Variants in CASQ1 observed in about 807,000 individuals in gnomAD.
CASQ1 encodes the protein calsequestrin-1.
Under a neutral mutation model 49.5 loss-of-function variants are expected in CASQ1, and 40 were observed. That is an observed-to-expected ratio of 0.81 (90% CI 0.63 to 1.05). The LOEUF (loss-of-function observed/expected upper bound fraction) is 1.05, where lower values mean the gene tolerates loss of function less well. Among genes scored for constraint, CASQ1 ranks in the 50% least tolerant of loss-of-function variants. The pLI is 0.00. For missense variants in CASQ1, 469 were observed against 486.9 expected (o/e 0.96, Z 0.35); for synonymous variants, 174 against 187.2 (o/e 0.93, Z 0.58).
At chr1:160,193,603 G>T in intron 2 of CASQ1, 144 bp from the exon 3 acceptor site, 1 of 574,910 alleles carries the variant, frequency 1.7e-6, no homozygotes. Flanking sequence ...GAGGAGGTGG[G>T]TGGGGCAACG....
At chr1:160,198,596 G>A in intron 7 of CASQ1, 81 bp from the exon 8 acceptor site, 2 of 964,464 alleles carry the variant, frequency 2.1e-6, no homozygotes, top group African/African-American at 1.6e-5. Flanking sequence ...GAACATCTAG[G>A]ATCTGTTCTG....
At chr1:160,195,655 C>G (rs1049065770) in intron 5 of CASQ1, 121 bp downstream of exon 5, 54 of 853,024 alleles carry the variant, frequency 6.3e-5, no homozygotes, top group Non-Finnish European at 9.4e-5. Context: ...CCTACCTGCC[C>G]CCCCCCCCGG....
At chr1:160,195,560 T>C (rs1192068805) in intron 5 of CASQ1, 26 bp downstream of exon 5, 1 of 1,603,394 alleles carries the variant, frequency 6.2e-7, no homozygotes, top group Non-Finnish European at 8.5e-7. Flanking sequence ...GCTGTATTGG[T>C]TCTGCCTCAT....
chr1:160,199,880 C>T lies in CASQ1; in HGVS notation c.1014C>T (p.Asp338=). Residue 338 remains aspartate, a synonymous_variant, in exon 10 of 11, where the codon GAC becomes GAT. Coordinates refer to ENST00000368078, the MANE Select transcript of CASQ1 (RefSeq NM_001231.5). ...TCCCATACTGGGAGAAGACGTTTGA[C>T]ATCGACTTGTCAGCCCCACAAATAG... ...LLVPYWEKTF[D]IDLSAPQIGV... 1 of 1,613,468 alleles carries T rather than the reference C, an allele frequency of 6.2e-7. No homozygotes were observed.
At chr1:160,195,654 C>A (rs565793706) in intron 5 of CASQ1, 120 bp downstream of exon 5, 35 of 845,692 alleles carry the variant, frequency 4.1e-5, no homozygotes, top group East Asian at 5.4e-5. Flanking sequence ...CCCTACCTGC[C>A]CCCCCCCCCG....
intron 6 of CASQ1, among the ~76,000 whole-genome samples, chr1:160,197,359 C>G (rs1654267112): frequency 6.6e-6 from 1 of 152,158 alleles, no homozygotes; most frequent in Admixed American, 6.5e-5. Context: ...TCTTCCAGTC[C>G]CTTTGCCCAC....
rs552214195 is a variant in CASQ1 at position 160,201,466 on chromosome 1, T to C, written c.*90T>C. 33 of 1,391,372 alleles carry C rather than the reference T, an allele frequency of 2.4e-5. No homozygotes were observed. The East Asian group carries it at 8.0e-4, about 34-fold the overall frequency. 86.2% of individuals were successfully genotyped at this position (1,391,372 alleles called of 1,614,324 possible). On this transcript the variant is annotated 3_prime_UTR_variant, in exon 11 of 11. Transcript: ENST00000368078. Reference sequence around the variant, plus strand: ...CTTCCCTGAGTTCCTCCAGGGAGACTAGGTTATTCTCTGCCATAGAGCTAA... The same window carrying C: ...CTTCCCTGAGTTCCTCCAGGGAGACCAGGTTATTCTCTGCCATAGAGCTAA...
intron 7 of CASQ1, among the ~76,000 whole-genome samples, chr1:160,197,887 C>T (rs1441443667): frequency 2.0e-5 from 3 of 152,072 alleles, no homozygotes; most frequent in Non-Finnish European, 1.5e-5. Context: ...GGTGTGGTGG[C>T]GGGCGCCTGT....
At chr1:160,194,343 GCA>G (rs902156983) in intron 3 of CASQ1, among the ~76,000 whole-genome samples, 2 of 137,374 alleles carry the variant, frequency 1.5e-5, no homozygotes, top group African/African-American at 5.6e-5. Flanking sequence ...CTACACACAT[GCA>G]CACACATCAC....
chr1:160,198,533 CG>C (rs752310213), intron 7 of CASQ1, 143 bp from the exon 8 acceptor site: 66 of 616,092 alleles, frequency 1.1e-4, no homozygotes, highest in Admixed American at 3.0e-4. Context: ...CCCCAAAAAA[CG>C]AAAGAATATA....
chr1:160,198,654 T>C, intron 7 of CASQ1, 23 bp from the exon 8 acceptor site: 1 of 1,603,810 alleles, frequency 6.2e-7, no homozygotes, highest in Non-Finnish European at 8.5e-7. Context: ...CAAAACCCTG[T>C]TCTCCTTCTT....
chr1:160,198,675 A>G lies in CASQ1; in HGVS notation c.829-2A>G, dbSNP rs1378829381. 2.5e-6 allele frequency: 4 copies of G among 1,612,936 alleles called. No individual in the cohort carries two copies. The highest frequency in any genetic ancestry group is 3.3e-5 in the Admixed American group (2 of 60,026). The stretch of plus-strand genomic sequence containing the variant: ...CCTGTTCTCCTTCTTACCCCCTGAC[A>G]GGAGGATGATATGGATGGAATCCAC... On this transcript the variant is annotated splice_acceptor_variant, in intron 7 of 10. Transcript: ENST00000368078. LOFTEE classifies it high-confidence loss of function.
chr1:160,191,419 C>G (rs138931363), intron 1 of CASQ1, among the ~76,000 whole-genome samples: 1 of 152,172 alleles, frequency 6.6e-6, no homozygotes, highest in Admixed American at 6.5e-5. Context: ...TTAGCCAGAA[C>G]ACGTCCTCTC....
At chr1:160,200,055 G>C (rs1286636705) in intron 10 of CASQ1, 130 bp downstream of exon 10, 1 of 694,108 alleles carries the variant, frequency 1.4e-6, no homozygotes, top group Non-Finnish European at 2.7e-6. Context: ...CTAGTGGCTG[G>C]ATGGAGGGGG....
At chr1:160,193,716 AC>A in intron 2 of CASQ1, 30 bp from the exon 3 acceptor site, 1 of 1,243,870 alleles carries the variant, frequency 8.0e-7, no homozygotes, top group Non-Finnish European at 1.2e-6. Context: ...ATGGCTCACT[AC>A]CCCACCCCTG....
intron 4 of CASQ1, 55 bp from the exon 5 acceptor site, chr1:160,195,406 A>G: frequency 1.3e-6 from 2 of 1,519,690 alleles, no homozygotes; most frequent in Non-Finnish European, 1.8e-6. Flanking sequence ...GTGGGGGATG[A>G]TTCCCGGGCA....
At chr1:160,198,364 TG>T (rs1654293053) in intron 7 of CASQ1, 2 of 229,772 alleles carry the variant, frequency 8.7e-6, no homozygotes, top group Admixed American at 5.1e-5. Flanking sequence ...ATTAGCCAGG[TG>T]TGGTGGCGCA....
rs931906234 is a variant in CASQ1, at chr1:160,197,475, G to A, written c.783-94G>A. On this transcript the variant is annotated intron_variant, in intron 6 of 10. Transcript: ENST00000368078. ...GTAGGCTACAAGCTGTCTGTGCCCT[G>A]GGCCTGACCTAGAGGCAGCCTTTGC... The A allele has an allele frequency of 2.4e-5, 21 of 878,354 alleles. 1 individual carries two copies. Among genetic ancestry groups the A allele is most frequent in the South Asian group, 5.3e-5 (4 of 75,704 alleles). The allele number at this position is 878,354 out of a possible 1,614,324, so 54.4% of individuals were successfully genotyped here.
intron 3 of CASQ1, 139 bp from the exon 4 acceptor site, chr1:160,194,873 T>TGCAACCCCCCACACACAC (rs1654181126): frequency 1.7e-6 from 1 of 587,968 alleles, no homozygotes; most frequent in South Asian, 2.0e-5. Context: ...CACACGCACA[T>TGCAACCCCCCACACACAC]GCAATCCCCC....
Sources: gnomAD v4.1 joint callset for allele counts (sites outside exome capture counted in the v4.1 genomes callset) on GRCh38, gnomAD v4.1.1 for gene constraint, MANE v1.5 for transcripts, NCBI Gene and HGNC (gene_info 2026-07-23, HGNC 2026-07-21) for gene names.